CLASP2: variants seen among roughly 807,000 people sequenced by gnomAD.
CLASP2 encodes cytoplasmic linker associated protein 2.
In CLASP2, 47 loss-of-function variants were observed where a neutral mutation model predicts 194.4. That is an observed-to-expected ratio of 0.24 (90% confidence interval 0.19 to 0.31). CLASP2 has a LOEUF of 0.31. Among genes scored for constraint, CLASP2 ranks in the 10% least tolerant of loss-of-function variants. CLASP2 has a pLI of 1.00. For synonymous variants in CLASP2, 619 were observed against 633.5 expected, an observed-to-expected ratio of 0.98 and a Z score of 0.34; for missense variants, 1,445 against 1,823.6, an observed-to-expected ratio of 0.79 and a Z score of 3.78.
rs1009347760 is a variant in CLASP2, at chr3:33,501,847, A to G, written c.4318-79T>C. ...CCTTTTTAACAGGGTCAGAAGATGC[A>G]GCTGAAAGATGAAATCTCGAGCATA... On this transcript the variant is annotated intron_variant, in intron 37 of 38. Transcript: ENST00000682230. 11 of 883,288 alleles carry G rather than the reference A, an allele frequency of 1.2e-5. No homozygotes were observed. In the South Asian group the frequency reaches 1.5e-4, roughly 12 times the overall value. 54.7% of individuals were successfully genotyped at this position (883,288 alleles called of 1,614,324 possible).
At chr3:33,510,009 G>C (rs527360378) in intron 37 of CLASP2, among the ~76,000 whole-genome samples, 1 of 152,148 alleles carries the variant, frequency 6.6e-6, no homozygotes, top group Non-Finnish European at 1.5e-5. Context: ...CAGATGAACA[G>C]ATTAACAATT....
At chr3:33,686,454 G>A (rs149747172) in intron 5 of CLASP2, among the ~76,000 whole-genome samples, 265 of 152,172 alleles carry the variant, frequency 1.7e-3, no homozygotes, top group Middle Eastern at 6.8e-3. Context: ...ACCCTATTTT[G>A]AACTGTGCAT....
At chr3:33,686,072 C>G (rs943342762) in intron 5 of CLASP2, among the ~76,000 whole-genome samples, 2 of 152,092 alleles carry the variant, frequency 1.3e-5, no homozygotes, top group African/African-American at 4.8e-5. Context: ...AAAGGTAGCT[C>G]TAGTTCCCTT....
At chr3:33,561,415 T>C (rs4328759) in intron 27 of CLASP2, among the ~76,000 whole-genome samples, 66,789 of 152,142 alleles carry the variant, frequency 0.44, 14,948 homozygotes, top group Admixed American at 0.54. Context: ...TCTGGCATAA[T>C]AGACTAATTA....
At chr3:33,713,012 C>CAGAAAAAAAAAAAAAAAAAAAAAAAAAA (rs1559717375) in intron 1 of CLASP2, among the ~76,000 whole-genome samples, 4 of 46,990 alleles carry the variant, frequency 8.5e-5, no homozygotes, top group Non-Finnish European at 1.3e-4. Context: ...AACTCCACCT[C>CAGAAAAAAAAAAAAAAAAAAAAAAAAAA]AAAAAAAAAA....
intron 7 of CLASP2, among the ~76,000 whole-genome samples, chr3:33,656,782 C>A (rs1575338522): frequency 6.7e-6 from 1 of 148,796 alleles, no homozygotes; most frequent in South Asian, 2.1e-4. Flanking sequence ...TACTATGCAA[C>A]CGTTTTAAAA....
rs533172150 is a variant in CLASP2 at position 33,630,828 on chromosome 3, A to G, written c.942+1464T>C. The stretch of plus-strand genomic sequence containing the variant: ...GATGTTACCAGTCTGACAAGAACAT[A>G]TCAAACAATAAAAATATTCAAGTTC... On this transcript the variant is annotated intron_variant, in intron 9 of 38. Transcript: ENST00000682230. Among the ~76,000 whole-genome samples, 49 of 152,354 alleles carry G rather than the reference A, an allele frequency of 3.2e-4. No homozygotes were observed. The South Asian group carries it at 6.8e-3, about 21-fold the overall frequency.
chr3:33,558,663 AATT>A (rs1258712305), intron 29 of CLASP2: 2 of 152,158 alleles, frequency 1.3e-5, no homozygotes, highest in Non-Finnish European at 1.5e-5. Context: ...CGAGAAAGTT[AATT>A]ATAACTCCAA....
rs76047051 is a variant in CLASP2 at position 33,706,302 on chromosome 3, G to A, written c.196-9369C>T. Among the ~76,000 whole-genome samples the A allele has an allele frequency of 1.7e-3, 253 of 152,196 alleles. 3 individuals carry two copies. The East Asian group carries it at 0.02, about 12-fold the overall frequency. On this transcript the variant is annotated intron_variant, in intron 1 of 38. Transcript: ENST00000682230. ...CAATGATGGAAAATAAAGTTTTAAC[G>A]GTGAGAACAGGATACAAGGAACAGA...
chr3:33,577,301 C>T, intron 23 of CLASP2: 1 of 1,542,946 alleles, frequency 6.5e-7, no homozygotes, highest in Non-Finnish European at 8.8e-7. Context: ...CATCTATTAC[C>T]ACAGAAACAA....
chr3:33,550,633 A>G (rs138881665), intron 30 of CLASP2, among the ~76,000 whole-genome samples: 3 of 152,090 alleles, frequency 2.0e-5, no homozygotes, highest in East Asian at 3.9e-4. Context: ...GATGTTGAAA[A>G]TATTATGATA....
Position 33,517,936 on chromosome 3 carries a change from C to T in CLASP2, c.3788-762G>A, listed in dbSNP as rs887621801. Among the ~76,000 whole-genome samples, 5 of 152,200 alleles carry T rather than the reference C, an allele frequency of 3.3e-5. No individual in the cohort carries two copies. The South Asian group carries it at 1.0e-3, about 31-fold the overall frequency. On this transcript the variant is annotated intron_variant, in intron 34 of 38. Transcript: ENST00000682230. ...GTGTTGGGATTATAGGCATGAGCCA[C>T]CATGCCCAGACTATCAATCTTTTAA...
At chr3:33,707,453 C>A (rs2092741680) in intron 1 of CLASP2, among the ~76,000 whole-genome samples, 1 of 152,154 alleles carries the variant, frequency 6.6e-6, no homozygotes, top group African/African-American at 2.4e-5. Flanking sequence ...GGGAAAGTTT[C>A]TCCTTATAAA....
chr3:33,591,125 A>C (rs1331080694), intron 21 of CLASP2, among the ~76,000 whole-genome samples: 3 of 152,068 alleles, frequency 2.0e-5, no homozygotes, highest in Non-Finnish European at 4.4e-5. Flanking sequence ...TGCAGTGGGC[A>C]GTGATTGTGC....
Position 33,498,797 on chromosome 3 carries a change from A to ATTT in CLASP2, c.4435-81_4435-80insAAA, listed in dbSNP as rs1477293090. The ATTT allele has an allele frequency of 7.1e-6, 5 of 699,636 alleles. No individual in the cohort carries two copies. The African/African-American group carries it at 9.2e-5, about 13-fold the overall frequency. The allele number at this position is 699,636 out of a possible 1,614,324, so 43.3% of individuals were successfully genotyped here. On this transcript the variant is annotated intron_variant, in intron 38 of 38. Transcript: ENST00000682230. ...ATACTCATTAAAATATTATATACATATATGTGAGCTCTGAAAGATAGATTT... is the reference window on the plus strand; with the variant it reads ...ATACTCATTAAAATATTATATACATATTTTATGTGAGCTCTGAAAGATAGATTT...
intron 25 of CLASP2, among the ~76,000 whole-genome samples, chr3:33,571,698 A>G (rs992114066): frequency 6.6e-6 from 1 of 151,904 alleles, no homozygotes; most frequent in Non-Finnish European, 1.5e-5. Context: ...CGCCTGTAGT[A>G]CCAGCTACGT....
chr3:33,671,154 G>A (rs764615309), intron 6 of CLASP2, among the ~76,000 whole-genome samples: 5 of 152,142 alleles, frequency 3.3e-5, no homozygotes, highest in Non-Finnish European at 7.3e-5. Context: ...ACCTAAGTGA[G>A]AGGAGGGTGG....
chr3:33,501,684 T>G lies in CLASP2; in HGVS notation c.4402A>C (p.Lys1468Gln). 1 of 1,613,398 alleles carries G rather than the reference T, an allele frequency of 6.2e-7. No individual in the cohort carries two copies. Among genetic ancestry groups the G allele is most frequent in the Non-Finnish European group, 8.5e-7 (1 of 1,179,418 alleles). ...CCAGTAAGTTGACTGAGATGTGGTT[T>G]TAGTTCATCACCAATTACCGCATGA... ...AVHAVIGDEL[K>Q]PHLSQLTGSK... Residue 1468 changes from lysine to glutamine, a missense_variant, in exon 38 of 39, where the codon AAA (lysine) becomes CAA (glutamine). Around this residue, in one of 4 missense-constraint regions of CLASP2, gnomAD observed 732 missense variants for 987.9 expected, o/e 0.74. Coordinates refer to ENST00000682230, the MANE Select transcript of CLASP2 (RefSeq NM_001365631.1).
chr3:33,542,976 C>T (rs2058611637), intron 32 of CLASP2, among the ~76,000 whole-genome samples: 1 of 152,108 alleles, frequency 6.6e-6, no homozygotes, highest in African/African-American at 2.4e-5. Context: ...AAGTAGTTGG[C>T]TTTCAAATAA....
Sources: gnomAD v4.1 joint callset for allele counts (sites outside exome capture counted in the v4.1 genomes callset) on GRCh38, gnomAD v4.1.1 for gene constraint, gnomAD v4.1.1 regional missense constraint, MANE v1.5 for transcripts, NCBI Gene and HGNC (gene_info 2026-07-23, HGNC 2026-07-21) for gene names.